MPDZ: variants seen among roughly 807,000 people sequenced by gnomAD.
The protein encoded by MPDZ is multiple PDZ domain protein.
MPDZ carries 234 observed loss-of-function variants against 239.1 expected under a neutral mutation model. The ratio of observed to expected loss-of-function variants is 0.98; its 90% CI spans 0.88 to 1.09. The LOEUF is 1.09. MPDZ is among the 50% of genes least tolerant of loss of function. MPDZ has a pLI of 0.00. For synonymous variants in MPDZ, 1,048 were observed against 881.3 expected (o/e 1.19, Z -3.35); for missense variants, 3,175 against 2,510.0 (o/e 1.26, Z -5.66).
chr9:13,181,762 T>C lies in MPDZ; in HGVS notation c.2649+1656A>G, dbSNP rs538653505. Reference sequence around the variant, plus strand: ...TATATGCTTCTCAGTATGCAGATTGTGTAATCCCTTTAAGTAACAATTACT... The same window carrying C: ...TATATGCTTCTCAGTATGCAGATTGCGTAATCCCTTTAAGTAACAATTACT... On this transcript the variant is annotated intron_variant, in intron 19 of 46. Coordinates refer to ENST00000319217, the MANE Select transcript of MPDZ (RefSeq NM_001378778.1). 6.0e-4 allele frequency among the ~76,000 whole-genome samples: 92 copies of C among 152,298 alleles called. 1 individual carries two copies. Among genetic ancestry groups the C allele is most frequent in the South Asian group, 1.2e-3 (6 of 4,828 alleles).
intron 10 of MPDZ, among the ~76,000 whole-genome samples, chr9:13,216,212 G>A (rs1225761645): frequency 6.6e-6 from 1 of 151,354 alleles, no homozygotes; most frequent in Admixed American, 6.6e-5. Flanking sequence ...GGGCTCTTCT[G>A]TACAGTGCCT....
intron 2 of MPDZ, among the ~76,000 whole-genome samples, chr9:13,249,104 TCACACACA>T (rs199752806): frequency 9.9e-4 from 144 of 145,896 alleles, no homozygotes; most frequent in African/African-American, 2.1e-3. Flanking sequence ...GATCATGGGT[TCACACACA>T]CACACACACA....
At chr9:13,231,356 A>C (rs1190880043) in intron 3 of MPDZ, among the ~76,000 whole-genome samples, 1 of 152,092 alleles carries the variant, frequency 6.6e-6, no homozygotes, top group Non-Finnish European at 1.5e-5. Context: ...ACTTGAGGCC[A>C]GGAGTTCGAG....
chr9:13,195,579 T>C (rs1564004983), intron 13 of MPDZ, among the ~76,000 whole-genome samples: 1 of 152,110 alleles, frequency 6.6e-6, no homozygotes, highest in Admixed American at 6.6e-5. Flanking sequence ...CCTTTTGGGA[T>C]GGTAGATCAC....
At chr9:13,234,027 T>TC (rs77708368) in intron 3 of MPDZ, among the ~76,000 whole-genome samples, 148,039 of 152,086 alleles carry the variant, frequency 0.97, 72,163 homozygotes, top group Middle Eastern at 1. Context: ...AGATTTGTCT[T>TC]CCCAAATATT....
At chr9:13,113,115 T>C in intron 41 of MPDZ, 61 bp from the exon 42 acceptor site, 1 of 1,423,828 alleles carries the variant, frequency 7.0e-7, no homozygotes. Flanking sequence ...TTATGTTCGT[T>C]AAAATATCTA....
chr9:13,278,775 C>G (rs898527718), intron 1 of MPDZ, among the ~76,000 whole-genome samples: 18 of 152,080 alleles, frequency 1.2e-4, no homozygotes, highest in African/African-American at 4.1e-4. Flanking sequence ...CGGCTCGCCT[C>G]GGGGTCCCCG....
rs1390191405 is a variant in MPDZ, at chr9:13,150,628, C to G, written c.3513G>C (p.Gly1171=). Residue 1171 remains glycine, a synonymous_variant, in exon 25 of 47, where the codon GGG becomes GGC. Coordinates refer to ENST00000319217, the MANE Select transcript of MPDZ (RefSeq NM_001378778.1). ...CTCCATTGCTTAGCCGACTCCCCAT[C>G]CCTCGTCCACCAACAATGCTGATGC... is the stretch of plus-strand genomic sequence containing the variant. ...SLGISIVGGR[G]MGSRLSNGEV... 3 of 1,528,560 alleles carry G rather than the reference C, an allele frequency of 2.0e-6. No individual in the cohort carries two copies. Among genetic ancestry groups the G allele is most frequent in the Non-Finnish European group, 2.6e-6 (3 of 1,135,318 alleles). 94.7% of individuals were successfully genotyped at this position (1,528,560 alleles called of 1,614,324 possible). A position where few individuals can be genotyped will look rare whatever the true frequency, so the allele number is the denominator to read the frequency against.
chr9:13,112,940 T>A, intron 42 of MPDZ, 71 bp downstream of exon 42: 1 of 1,383,184 alleles, frequency 7.2e-7, no homozygotes, highest in Non-Finnish European at 1.0e-6. Context: ...GTAAGAAAGT[T>A]AACAAGAAAA....
chr9:13,128,813 T>C (rs963835812), intron 32 of MPDZ, among the ~76,000 whole-genome samples: 3 of 152,116 alleles, frequency 2.0e-5, no homozygotes, highest in Non-Finnish European at 4.4e-5. Flanking sequence ...GTAAAAGAAG[T>C]AGCACATGGC....
rs1003053100 is a variant in MPDZ, at chr9:13,192,151, C to T, written c.1948G>A (p.Asp650Asn). Residue 650 changes from aspartate to asparagine, a missense_variant, in exon 15 of 47, where the codon GAT (aspartate) becomes AAT (asparagine). Transcript: ENST00000319217. ...GATACCTTTTCTGTTAGCTCAATAT[C>T]ACATAAGTCCAGGCTATCCAATTCT... Reference protein sequence around the residue: ...QSELDSLDLCDIELTEKPHVD... With the variant: ...QSELDSLDLCNIELTEKPHVD... 6.2e-6 allele frequency: 10 copies of T among 1,605,296 alleles called. No individual in the cohort carries two copies. The African/African-American group carries it at 1.2e-4, about 19-fold the overall frequency.
At chr9:13,246,420 T>C (rs1165407125) in intron 3 of MPDZ, among the ~76,000 whole-genome samples, 1 of 152,088 alleles carries the variant, frequency 6.6e-6, no homozygotes, top group East Asian at 1.9e-4. Context: ...GCAACCTGAG[T>C]GGCAGAATGA....
chr9:13,145,650 T>C (rs1053295587), intron 26 of MPDZ, among the ~76,000 whole-genome samples: 1 of 152,050 alleles, frequency 6.6e-6, no homozygotes, highest in African/African-American at 2.4e-5. Context: ...TTTAATTTTC[T>C]AAAGCAAAAT....
rs1008776742 is a variant in MPDZ, at chr9:13,150,503, G to C, written c.3630+8C>G. 6.6e-6 allele frequency: 10 copies of C among 1,524,210 alleles called. No homozygotes were observed. The African/African-American group carries it at 9.8e-5, about 15-fold the overall frequency. 94.4% of individuals were successfully genotyped at this position (1,524,210 alleles called of 1,614,324 possible). On this transcript the variant is annotated splice_region_variant and intron_variant, in intron 25 of 46. Transcript: ENST00000319217. ...AAATTTTAGCACAGAAAGCTCACTA[G>C]AGGGTACCTCTACGATTCTATCTCC... is the stretch of plus-strand genomic sequence containing the variant.
intron 32 of MPDZ, among the ~76,000 whole-genome samples, chr9:13,130,919 G>C (rs920383421): frequency 2.6e-5 from 4 of 152,124 alleles, no homozygotes; most frequent in Non-Finnish European, 5.9e-5. Context: ...ATGGGAAATG[G>C]GACTTGGAGG....
chr9:13,217,990 A>C (rs1427868839), intron 8 of MPDZ, among the ~76,000 whole-genome samples: 1 of 151,852 alleles, frequency 6.6e-6, no homozygotes, highest in Admixed American at 6.6e-5. Context: ...ACAATATATC[A>C]TCAATAAGCT....
chr9:13,117,832 T>G (rs1255003616), intron 39 of MPDZ, among the ~76,000 whole-genome samples: 1 of 151,690 alleles, frequency 6.6e-6, no homozygotes, highest in Non-Finnish European at 1.5e-5. Context: ...CATTATATAC[T>G]TTCAGATTAG....
At chr9:13,228,988 T>C (rs1203432313) in intron 3 of MPDZ, among the ~76,000 whole-genome samples, 5 of 152,120 alleles carry the variant, frequency 3.3e-5, no homozygotes, top group South Asian at 2.1e-4. Context: ...CTGGGTATCA[T>C]TCAATATGCC....
chr9:13,145,370 G>T (rs1948297249), intron 26 of MPDZ, among the ~76,000 whole-genome samples: 1 of 151,900 alleles, frequency 6.6e-6, no homozygotes, highest in African/African-American at 2.4e-5. Flanking sequence ...TTCTGTGAAG[G>T]GTCATACTGG....
Sources: gnomAD v4.1 joint callset for allele counts (sites outside exome capture counted in the v4.1 genomes callset) on GRCh38, gnomAD v4.1.1 for gene constraint, MANE v1.5 for transcripts, NCBI Gene and HGNC (gene_info 2026-07-23, HGNC 2026-07-21) for gene names.